GALNTL6: variants seen among roughly 807,000 people sequenced by gnomAD.
GALNTL6 encodes polypeptide N-acetylgalactosaminyltransferase-like 6.
A neutral mutation model predicts 73.7 loss-of-function variants in GALNTL6; 46 were observed. The observed-to-expected ratio is 0.62, with a 90% CI of 0.49 to 0.80. The LOEUF is 0.80. GALNTL6 is among the 30% of genes least tolerant of loss of function. The probability of loss-of-function intolerance (pLI) is 0.00; values close to 1 mark genes in which losing one functional copy is unlikely to be tolerated. For missense variants in GALNTL6, 604 were observed against 755.0 expected (o/e 0.80, Z 2.34); for synonymous variants, 259 against 263.7 (o/e 0.98, Z 0.17).
At chr4:172,685,039 T>A (rs1030193003) in intron 5 of GALNTL6, among the ~76,000 whole-genome samples, 13 of 152,188 alleles carry the variant, frequency 8.5e-5, no homozygotes, top group Non-Finnish European at 2.9e-5. Flanking sequence ...CCTACAGCAT[T>A]TAAGATATGG....
chr4:171,956,165 C>T (rs1016240682), intron 2 of GALNTL6, among the ~76,000 whole-genome samples: 2 of 151,916 alleles, frequency 1.3e-5, no homozygotes, highest in Non-Finnish European at 2.9e-5. Context: ...CCACACCTGG[C>T]TAATTTATTC....
rs371153621 is a variant in GALNTL6, at chr4:172,852,879, T to C, written c.924-29911T>C. Among the ~76,000 whole-genome samples the C allele has an allele frequency of 5.9e-5, 9 of 152,240 alleles. No individual in the cohort carries two copies. The South Asian group carries it at 1.0e-3, about 18-fold the overall frequency. On this transcript the variant is annotated intron_variant, in intron 7 of 12. Transcript: ENST00000506823. ...CCCATGGGTGTGTTATGATAAACCA[T>C]GATTTAAAGAAGAGCCAAGGAAAAA...
At chr4:172,187,386 G>T (rs1644687615) in intron 2 of GALNTL6, among the ~76,000 whole-genome samples, 1 of 152,050 alleles carries the variant, frequency 6.6e-6, no homozygotes, top group African/African-American at 2.4e-5. Flanking sequence ...CAACTGAAGA[G>T]CTATTGCTTA....
chr4:171,938,068 C>T (rs1161517249), intron 2 of GALNTL6, among the ~76,000 whole-genome samples: 1 of 152,102 alleles, frequency 6.6e-6, no homozygotes, highest in Non-Finnish European at 1.5e-5. Context: ...GGCTTCAAAA[C>T]ACACCAAAGA....
intron 2 of GALNTL6, among the ~76,000 whole-genome samples, chr4:171,983,110 G>C (rs1739955122): frequency 6.6e-6 from 1 of 151,894 alleles, no homozygotes; most frequent in South Asian, 2.1e-4. Context: ...TTTTTTCCTG[G>C]ATACATCCTC....
intron 5 of GALNTL6, among the ~76,000 whole-genome samples, chr4:172,421,668 T>A (rs915814989): frequency 6.6e-6 from 1 of 152,016 alleles, no homozygotes; most frequent in African/African-American, 2.4e-5. Context: ...ACATAAGAAA[T>A]GTTCTTTCAA....
intron 3 of GALNTL6, among the ~76,000 whole-genome samples, chr4:172,263,781 C>T (rs1351213887): frequency 1.3e-5 from 2 of 150,336 alleles, no homozygotes; most frequent in Non-Finnish European, 1.5e-5. Flanking sequence ...ATTGAATTTC[C>T]TTTGAGTTTA....
intron 3 of GALNTL6, among the ~76,000 whole-genome samples, chr4:172,240,704 T>G (rs1737394807): frequency 6.6e-6 from 1 of 152,220 alleles, no homozygotes; most frequent in South Asian, 2.1e-4. Context: ...TCAGTTTGAT[T>G]CTTTCCTTAA....
chr4:172,951,431 T>C (rs1218951072), intron 9 of GALNTL6, among the ~76,000 whole-genome samples: 1 of 152,240 alleles, frequency 6.6e-6, no homozygotes, highest in East Asian at 1.9e-4. Context: ...GGGACACATC[T>C]GTGGAAAAGA....
intron 2 of GALNTL6, among the ~76,000 whole-genome samples, chr4:172,123,547 G>GC (rs1455019717): frequency 1.5e-5 from 2 of 134,648 alleles, no homozygotes; most frequent in Admixed American, 1.7e-4. Context: ...CTGTCGCCAG[G>GC]CTGGAGTGCA....
At chr4:172,501,486 A>T (rs117474548) in intron 5 of GALNTL6, among the ~76,000 whole-genome samples, 45 of 152,256 alleles carry the variant, frequency 3.0e-4, no homozygotes, top group South Asian at 4.1e-4. Context: ...AAGAAACACT[A>T]AAAAAATCAG....
intron 2 of GALNTL6, among the ~76,000 whole-genome samples, chr4:172,091,254 TAG>T (rs1011795999): frequency 1.3e-5 from 2 of 152,198 alleles, no homozygotes; most frequent in African/African-American, 2.4e-5. Flanking sequence ...ATTGTTCATA[TAG>T]AGTCTTTTTA....
chr4:172,758,008 T>G (rs1215730414), intron 5 of GALNTL6, among the ~76,000 whole-genome samples: 2 of 152,168 alleles, frequency 1.3e-5, no homozygotes, highest in African/African-American at 4.8e-5. Flanking sequence ...GTTGAAGCAT[T>G]GTTTTCCTCC....
In GALNTL6 at chr4:172,512,372, T is replaced by C. The variant is rs1444905277; in HGVS notation, c.553+163683T>C. On this transcript the variant is annotated intron_variant, in intron 5 of 12. Transcript: ENST00000506823. ...TTTCTTGAAGACAATAGATACTTGT[T>C]TGGTGAATTCTTATCCATTCTGCCA... Among the ~76,000 whole-genome samples the C allele has an allele frequency of 1.4e-5, 2 of 148,124 alleles. 1 individual carries two copies. Among genetic ancestry groups the C allele is most frequent in the Non-Finnish European group, 3.0e-5 (2 of 66,944 alleles).
At chr4:172,311,793 G>GTT in intron 4 of GALNTL6, 41 bp downstream of exon 4, 3 of 1,394,960 alleles carry the variant, frequency 2.2e-6, no homozygotes, top group South Asian at 1.8e-5. Flanking sequence ...GGTTTTTTTG[G>GTT]TTTTTTTTGT....
intron 2 of GALNTL6, among the ~76,000 whole-genome samples, chr4:171,967,455 T>TTG (rs1553976690): frequency 6.8e-6 from 1 of 146,802 alleles, no homozygotes. Context: ...GGGTTTTTTT[T>TTG]TTTTTTTTTT....
At position 172,581,861 on chromosome 4, in the gene GALNTL6, GA is replaced by G. The variant is rs1737203273; in HGVS notation, c.554-227499del. 3.3e-5 allele frequency among the ~76,000 whole-genome samples: 5 copies of G among 152,304 alleles called. No homozygotes were observed. In the South Asian group the frequency reaches 1.0e-3, roughly 32 times the overall value. ...AGGAACTGTTGCTTGCCCTCTGAAG[GA>G]GGTAAAAGTCTTTGATCTTCAGACC... On this transcript the variant is annotated intron_variant, in intron 5 of 12. Transcript: ENST00000506823.
chr4:172,442,583 CAAG>C (rs1172430898), intron 5 of GALNTL6, among the ~76,000 whole-genome samples: 9 of 152,120 alleles, frequency 5.9e-5, no homozygotes, highest in Non-Finnish European at 1.0e-4. Flanking sequence ...TTAAACTCAA[CAAG>C]AAAGGACAAC....
At chr4:172,115,900 T>C (rs1732971882) in intron 2 of GALNTL6, among the ~76,000 whole-genome samples, 1 of 152,068 alleles carries the variant, frequency 6.6e-6, no homozygotes, top group Admixed American at 6.6e-5. Flanking sequence ...AACATTGCTT[T>C]AAAGCAATGC....
Sources: gnomAD v4.1 joint callset for allele counts (sites outside exome capture counted in the v4.1 genomes callset) on GRCh38, gnomAD v4.1.1 for gene constraint, MANE v1.5 for transcripts, NCBI Gene and HGNC (gene_info 2026-07-23, HGNC 2026-07-21) for gene names.